OR51E2: variants seen among roughly 807,000 people sequenced by gnomAD.
The protein encoded by OR51E2 is olfactory receptor 51E2.
Under a neutral mutation model 13.7 loss-of-function variants are expected in OR51E2, and 14 were observed. The ratio of observed to expected loss-of-function variants is 1.02; its 90% CI spans 0.68 to 1.60. The LOEUF is 1.60. Among genes scored for constraint, OR51E2 ranks in the 40% most tolerant of loss-of-function variants. The pLI, the probability that OR51E2 is intolerant of heterozygous loss-of-function variation, is 0.00. For missense variants in OR51E2, 483 were observed against 413.8 expected (o/e 1.17, Z -1.45); for synonymous variants, 180 against 157.6 (o/e 1.14, Z -1.07).
rs143534216 is a variant in OR51E2, at chr11:4,684,878, C to T, written c.-50-2117G>A. On this transcript the variant is annotated intron_variant, in intron 1 of 1. Coordinates refer to ENST00000396950, the MANE Select transcript of OR51E2 (RefSeq NM_030774.4). ...TCCGAATGTGACTGTTGCATTCATTCTCACTTGCCTTTCCTGATTGTTAGC... is the reference window on the plus strand; with the variant it reads ...TCCGAATGTGACTGTTGCATTCATTTTCACTTGCCTTTCCTGATTGTTAGC... 1.3e-3 allele frequency among the ~76,000 whole-genome samples: 196 copies of T among 152,292 alleles called. No homozygotes were observed. In the Middle Eastern group the frequency reaches 0.02, roughly 16 times the overall value.
chr11:4,681,937 C>G lies in OR51E2; in HGVS notation c.775G>C (p.Val259Leu). 1 of 1,614,094 alleles carries G rather than the reference C, an allele frequency of 6.2e-7. No homozygotes were observed. The highest frequency in any genetic ancestry group is 1.3e-5 in the African/African-American group (1 of 75,030). Residue 259 changes from valine to leucine, a missense_variant, in exon 2 of 2, where the codon GTG (valine) becomes CTG (leucine). By Grantham distance (32) the Val-to-Leu change is conservative. Transcript: ENST00000396950. Reference protein sequence around the residue: ...AFYVPLIGLSVVHRFGNSLHP... With the variant: ...AFYVPLIGLSLVHRFGNSLHP... ...AGGCTGTTTCCAAAGCGGTGTACCA[C>G]TGAGAGGCCAATAAGTGGCACATAG...
chr11:4,682,821 C>T lies in OR51E2; in HGVS notation c.-50-60G>A, dbSNP rs578064205. 4,915 of 1,237,876 alleles carry T rather than the reference C, an allele frequency of 4.0e-3. 16 individuals are homozygous for T. The highest frequency in any genetic ancestry group is 5.2e-3 in the Admixed American group (214 of 40,952). The allele number at this position is 1,237,876 out of a possible 1,614,324, so 76.7% of individuals were successfully genotyped here. A position where few individuals can be genotyped will look rare whatever the true frequency, so the allele number is the denominator to read the frequency against. Reference sequence around the variant, plus strand: ...TGGAAACTTGAAACTGACATCCCACCCCTTTTGTCTTCTCCCACCCCCACT... The same window carrying T: ...TGGAAACTTGAAACTGACATCCCACTCCTTTTGTCTTCTCCCACCCCCACT... On this transcript the variant is annotated intron_variant, in intron 1 of 1. Coordinates refer to ENST00000396950, the MANE Select transcript of OR51E2 (RefSeq NM_030774.4).
At chr11:4,690,277 A>G (rs1260278213) in intron 1 of OR51E2, 2 of 152,224 alleles carry the variant, frequency 1.3e-5, no homozygotes, top group Non-Finnish European at 2.9e-5. Context: ...TTTAGATATA[A>G]AATATGTTAA....
intron 1 of OR51E2, among the ~76,000 whole-genome samples, chr11:4,695,817 T>C (rs1299288362): frequency 6.6e-6 from 1 of 152,124 alleles, no homozygotes; most frequent in Non-Finnish European, 1.5e-5. Flanking sequence ...TTTTGTTCTC[T>C]GCCTTATAAA....
chr11:4,681,206 G>A lies in OR51E2; in HGVS notation c.*543C>T, dbSNP rs1002965820. 1.9e-5 allele frequency: 3 copies of A among 156,714 alleles called. No individual in the cohort carries two copies. The highest frequency in any genetic ancestry group is 1.9e-4 in the Admixed American group (3 of 16,140). 9.7% of individuals were successfully genotyped at this position (156,714 alleles called of 1,614,324 possible). A position where few individuals can be genotyped will look rare whatever the true frequency, so the allele number is the denominator to read the frequency against. On this transcript the variant is annotated 3_prime_UTR_variant, in exon 2 of 2. Transcript: ENST00000396950. ...CTCTACTAAAAAATACAGAAAATTA[G>A]CCAGTCATGGTGGCACGTTCCTCTA... is the stretch of plus-strand genomic sequence containing the variant.
rs868340818 is a variant in OR51E2 at position 4,682,593 on chromosome 11, C to T, written c.119G>A (p.Gly40Glu). ...TACGATGAAGACCACGATGCAGTTT[C>T]CAAACATTGCCACTACATACATGGA... ...LLSMYVVAMF[G>E]NCIVVFIVRT... Residue 40 changes from glycine (G) to glutamate (E), a missense_variant, in exon 2 of 2, where the codon GGA becomes GAA. Physicochemically the swap from Gly to Glu is moderately conservative, Grantham distance 98. Transcript: ENST00000396950. 6.2e-7 allele frequency: 1 copy of T among 1,614,188 alleles called. No individual in the cohort carries two copies. The highest frequency in any genetic ancestry group is 8.5e-7 in the Non-Finnish European group (1 of 1,180,044).
intron 1 of OR51E2, among the ~76,000 whole-genome samples, chr11:4,694,832 T>G (rs900423477): frequency 1.3e-5 from 2 of 152,064 alleles, no homozygotes; most frequent in Admixed American, 1.3e-4. Flanking sequence ...CATACATGAA[T>G]GTGTCTGTGT....
At chr11:4,686,610 C>T (rs1847518044) in intron 1 of OR51E2, among the ~76,000 whole-genome samples, 1 of 152,208 alleles carries the variant, frequency 6.6e-6, no homozygotes, top group South Asian at 2.1e-4. Context: ...ACTTAAGATA[C>T]ATAGCATTTC....
intron 1 of OR51E2, among the ~76,000 whole-genome samples, chr11:4,695,397 A>G (rs1478461064): frequency 6.6e-6 from 1 of 152,180 alleles, no homozygotes; most frequent in Admixed American, 6.6e-5. Context: ...TTGTATAGAT[A>G]TTTCCAAACA....
At chr11:4,683,273 T>C (rs913131521) in intron 1 of OR51E2, among the ~76,000 whole-genome samples, 2 of 152,166 alleles carry the variant, frequency 1.3e-5, no homozygotes, top group Non-Finnish European at 2.9e-5. Flanking sequence ...GAGTAGAAAT[T>C]AGACAGAGTG....
chr11:4,691,834 A>G, intron 1 of OR51E2: 1 of 290,136 alleles, frequency 3.4e-6, no homozygotes, highest in Non-Finnish European at 6.8e-6. Flanking sequence ...GAAACTATGA[A>G]TGGCTCATTT....
intron 1 of OR51E2, among the ~76,000 whole-genome samples, chr11:4,688,271 A>G (rs1051600462): frequency 1.1e-4 from 17 of 152,314 alleles, no homozygotes; most frequent in African/African-American, 3.9e-4. Flanking sequence ...TATTATTATA[A>G]CATCAAGGGC....
chr11:4,692,132 G>A (rs1274701429), intron 1 of OR51E2: 2 of 450,454 alleles, frequency 4.4e-6, no homozygotes, highest in African/African-American at 4.0e-5. Context: ...AAAATACACT[G>A]GGGCTGTGGA....
chr11:4,686,793 T>C (rs1315096542), intron 1 of OR51E2, among the ~76,000 whole-genome samples: 1 of 152,116 alleles, frequency 6.6e-6, no homozygotes, highest in African/African-American at 2.4e-5. Context: ...CAACTCATTG[T>C]GAGCTTATCC....
rs1847586145 is a variant in OR51E2, at chr11:4,691,867, T to G, written c.-51+5786A>C. Among the ~76,000 whole-genome samples, 5 of 152,318 alleles carry G rather than the reference T, an allele frequency of 3.3e-5. No homozygotes were observed. In the South Asian group the frequency reaches 1.0e-3, roughly 32 times the overall value. Reference sequence around the variant, plus strand: ...TTTAAATTGATTAAAAAATGTCAGATTTCAACTGCTGTAGTGGGCACTTTG... The same window carrying G: ...TTTAAATTGATTAAAAAATGTCAGAGTTCAACTGCTGTAGTGGGCACTTTG... On this transcript the variant is annotated intron_variant, in intron 1 of 1. Transcript: ENST00000396950.
chr11:4,687,322 G>C (rs1346148313), intron 1 of OR51E2, among the ~76,000 whole-genome samples: 1 of 152,126 alleles, frequency 6.6e-6, no homozygotes, highest in East Asian at 1.9e-4. Flanking sequence ...CCTCTTTAAA[G>C]TGGCCTCCTA....
chr11:4,697,054 T>A (rs928880498), intron 1 of OR51E2, among the ~76,000 whole-genome samples: 2 of 152,222 alleles, frequency 1.3e-5, no homozygotes, highest in Non-Finnish European at 2.9e-5. Flanking sequence ...TCTTACTATG[T>A]CATCATGTGA....
At chr11:4,688,809 T>C (rs1847545429) in intron 1 of OR51E2, among the ~76,000 whole-genome samples, 1 of 152,132 alleles carries the variant, frequency 6.6e-6, no homozygotes, top group Non-Finnish European at 1.5e-5. Context: ...GTCACCAGGA[T>C]TTACTAAAAG....
chr11:4,690,011 TTATAAA>T (rs1234454692), intron 1 of OR51E2, among the ~76,000 whole-genome samples: 1 of 147,838 alleles, frequency 6.8e-6, no homozygotes, highest in African/African-American at 2.5e-5. Flanking sequence ...AGTACATAAT[TTATAAA>T]TATAAGTTTA....
Sources: gnomAD v4.1 joint callset for allele counts (sites outside exome capture counted in the v4.1 genomes callset) on GRCh38, gnomAD v4.1.1 for gene constraint, MANE v1.5 for transcripts, NCBI Gene and HGNC (gene_info 2026-07-23, HGNC 2026-07-21) for gene names.